The following SAMD14 variants were observed in gnomAD, a reference collection of about 807,000 sequenced individuals.
The protein encoded by SAMD14 is sterile alpha motif domain-containing protein 14.
A neutral mutation model predicts 46.2 loss-of-function variants in SAMD14; 27 were observed. The observed-to-expected ratio is 0.58, with a 90% confidence interval of 0.43 to 0.81. SAMD14 has a LOEUF of 0.81. Ranked by LOEUF, SAMD14 falls within the 30% of genes least tolerant of loss-of-function variation. SAMD14 has a pLI of 0.00. For missense variants in SAMD14, 559 were observed against 582.2 expected (o/e 0.96, Z 0.41); for synonymous variants, 241 against 254.3 (o/e 0.95, Z 0.50).
At chr17:50,114,109 A>G in intron 8 of SAMD14, 30 bp from the exon 9 acceptor site, 1 of 1,613,422 alleles carries the variant, frequency 6.2e-7, no homozygotes, top group Non-Finnish European at 8.5e-7. Context: ...AGTGAGGGGG[A>G]GGCTTGGCCT....
chr17:50,125,898 G>T (rs1911743974), intron 1 of SAMD14, among the ~76,000 whole-genome samples: 1 of 152,226 alleles, frequency 6.6e-6, no homozygotes, highest in South Asian at 2.1e-4. Flanking sequence ...AAGTGTGAAT[G>T]GGTAGGGTTT....
At position 50,117,901 on chromosome 17, in the gene SAMD14, C is replaced by T. The variant is rs1598227129; in HGVS notation, c.211-206G>A. The T allele has an allele frequency of 3.6e-5, 23 of 639,952 alleles. No homozygotes were observed. In the East Asian group the frequency reaches 7.3e-4, roughly 20 times the overall value. The allele number at this position is 639,952 out of a possible 1,614,324, so 39.6% of individuals were successfully genotyped here. ...GTCACACAGGCTGGGGCTGAATTCC[C>T]CCTCCTTCACTTACTGTGACTTTGC... On this transcript the variant is annotated intron_variant, in intron 3 of 9. Coordinates refer to ENST00000330175, the MANE Select transcript of SAMD14 (RefSeq NM_001257359.2).
intron 2 of SAMD14, among the ~76,000 whole-genome samples, chr17:50,118,763 A>G (rs531983958): frequency 6.6e-6 from 1 of 152,276 alleles, no homozygotes; most frequent in South Asian, 2.1e-4. Context: ...GGGTTGAGGG[A>G]TGAGGCTGGA....
At chr17:50,127,509 G>A (rs1911833192) in intron 1 of SAMD14, among the ~76,000 whole-genome samples, 1 of 152,016 alleles carries the variant, frequency 6.6e-6, no homozygotes. Context: ...ACAGAGGCAG[G>A]AGAATCGCTT....
intron 1 of SAMD14, chr17:50,125,392 A>G (rs1209018378): frequency 5.4e-6 from 1 of 183,832 alleles, no homozygotes; most frequent in Non-Finnish European, 1.2e-5. Context: ...ATTAAATCCA[A>G]TCCTCTCATG....
In SAMD14 at chr17:50,129,921, G is replaced by C. The variant is rs1035521136; in HGVS notation, c.-417C>G. Reference sequence around the variant, plus strand: ...CCCCTGCCGCCCGCCAGGCCTGGCCGGACGCGGGGCCCCCGCCTGGCAGGG... The same window carrying C: ...CCCCTGCCGCCCGCCAGGCCTGGCCCGACGCGGGGCCCCCGCCTGGCAGGG... On this transcript the variant is annotated 5_prime_UTR_variant, in exon 1 of 10. Transcript: ENST00000330175. This position sits in a 1 kb window ranked among gnomAD's most constrained non-coding sequence, Gnocchi z 5.6. The C allele has an allele frequency of 2.0e-5, 3 of 151,884 alleles. No individual in the cohort carries two copies. The highest frequency in any genetic ancestry group is 2.9e-5 in the Non-Finnish European group (2 of 67,930). 9.4% of individuals were successfully genotyped at this position (151,884 alleles called of 1,614,324 possible). A position where few individuals can be genotyped will look rare whatever the true frequency, so the allele number is the denominator to read the frequency against.
At chr17:50,117,994 G>C in intron 3 of SAMD14, 167 bp downstream of exon 3, 1 of 792,630 alleles carries the variant, frequency 1.3e-6, no homozygotes, top group Non-Finnish European at 1.9e-6. Context: ...TCTTTACACA[G>C]GATTAAATGA....
Position 50,113,068 on chromosome 17 carries a change from G to A in SAMD14, c.1099-20C>T. On this transcript the variant is annotated intron_variant, in intron 9 of 9. Coordinates refer to ENST00000330175, the MANE Select transcript of SAMD14 (RefSeq NM_001257359.2). ...CAGGCTCTGGGGAGGAGTCCGGGGT[G>A]AGGGAGAGAGTCCCAGAACCTTCCC... The A allele has an allele frequency of 6.2e-7, 1 of 1,608,882 alleles. No homozygotes were observed. The highest frequency in any genetic ancestry group is 8.5e-7 in the Non-Finnish European group (1 of 1,179,686).
Position 50,115,439 on chromosome 17 carries a change from T to A in SAMD14, c.822+125A>T. The A allele has an allele frequency of 9.9e-7, 1 of 1,006,802 alleles. No individual in the cohort carries two copies. The highest frequency in any genetic ancestry group is 2.5e-5 in the East Asian group (1 of 40,086). The allele number at this position is 1,006,802 out of a possible 1,614,324, so 62.4% of individuals were successfully genotyped here. ...ATGCATGAAGTAACGGATCACTGCATGGCTCCATGGATGGACAAATTGATT... is the reference window on the plus strand; with the variant it reads ...ATGCATGAAGTAACGGATCACTGCAAGGCTCCATGGATGGACAAATTGATT... On this transcript the variant is annotated intron_variant, in intron 7 of 9. Coordinates refer to ENST00000330175, the MANE Select transcript of SAMD14 (RefSeq NM_001257359.2). The surrounding 1 kb of genome is among the most constrained non-coding windows in gnomAD (Gnocchi z 5.3).
intron 2 of SAMD14, 146 bp downstream of exon 2, chr17:50,124,771 G>GCA (rs10522793): frequency 0.058 from 32,374 of 559,852 alleles, 192 homozygotes; most frequent in East Asian, 0.1. Context: ...ACGCGCGCGC[G>GCA]CACACACACA....
chr17:50,110,131 C>T lies in SAMD14; in HGVS notation c.*2762G>A. On this transcript the variant is annotated 3_prime_UTR_variant, in exon 10 of 10. Transcript: ENST00000330175. ...GTGCATCTGCACCTGAGAGGACGGA[C>T]TGCCGCCTCTGGGTCCCCCCACCGT... is the stretch of plus-strand genomic sequence containing the variant. 38 of 1,549,600 alleles carry T rather than the reference C, an allele frequency of 2.5e-5. No homozygotes were observed. Among genetic ancestry groups the T allele is most frequent in the Non-Finnish European group, 3.3e-5 (38 of 1,142,372 alleles).
Position 50,112,832 on chromosome 17 carries a change from G to T in SAMD14, c.*61C>A. 2 of 1,558,334 alleles carry T rather than the reference G, an allele frequency of 1.3e-6. No homozygotes were observed. Among genetic ancestry groups the T allele is most frequent in the Non-Finnish European group, 1.7e-6 (2 of 1,158,154 alleles). ...CGCCCAGGTCCAGCCTCCCTGGTGAGGCCTGTGCCCGCGGAGCCAGTGGCT... is the reference window on the plus strand; with the variant it reads ...CGCCCAGGTCCAGCCTCCCTGGTGATGCCTGTGCCCGCGGAGCCAGTGGCT... On this transcript the variant is annotated 3_prime_UTR_variant, in exon 10 of 10. Transcript: ENST00000330175.
intron 2 of SAMD14, among the ~76,000 whole-genome samples, chr17:50,119,240 C>T (rs1042453578): frequency 2.7e-4 from 41 of 152,188 alleles, no homozygotes; most frequent in African/African-American, 9.2e-4. Context: ...GTGGGTCCAG[C>T]GTTAAAGTCC....
At chr17:50,113,333 C>A in intron 9 of SAMD14, 1 of 404,980 alleles carries the variant, frequency 2.5e-6, no homozygotes. Context: ...CGGACCTGCC[C>A]AACCTCCTGA....
rs761923718 is a variant in SAMD14 at position 50,117,681 on chromosome 17, G to A, written c.225C>T (p.Cys75=). The change falls in exon 4 of 10, where the codon TGC becomes TGT. Residue 75 remains cysteine (C), a synonymous_variant. Coordinates refer to ENST00000330175, the MANE Select transcript of SAMD14 (RefSeq NM_001257359.2). ...AGCGCAGCCGGTGCAGGGGGCTCCC[G>A]CAGCCATCGGTCACCTGGACGAGGG... ...DGPGGKVTDG[C]GSPLHRLRSP... is the part of the protein sequence containing the mutation. 2 of 1,466,456 alleles carry A rather than the reference G, an allele frequency of 1.4e-6. No homozygotes were observed. The highest frequency in any genetic ancestry group is 1.8e-6 in the Non-Finnish European group (2 of 1,116,138). 90.8% of individuals were successfully genotyped at this position (1,466,456 alleles called of 1,614,324 possible).
chr17:50,125,537 A>C (rs1567723440), intron 1 of SAMD14, among the ~76,000 whole-genome samples: 1 of 151,822 alleles, frequency 6.6e-6, no homozygotes, highest in Non-Finnish European at 1.5e-5. Context: ...CTACTTGCCT[A>C]CTCATCATCC....
intron 9 of SAMD14, 198 bp downstream of exon 9, chr17:50,113,726 G>A (rs988786480): frequency 1.6e-6 from 1 of 610,260 alleles, no homozygotes. Context: ...GTCAAACTAG[G>A]GATTCATGCT....
At chr17:50,113,106 C>T (rs1182096645) in intron 9 of SAMD14, 58 bp from the exon 10 acceptor site, 2 of 1,585,278 alleles carry the variant, frequency 1.3e-6, no homozygotes, top group Non-Finnish European at 1.7e-6. Flanking sequence ...TCCTGGCCTC[C>T]CACGCCCAGG....
chr17:50,117,226 C>T (rs1197823965), intron 4 of SAMD14, among the ~76,000 whole-genome samples, 181 bp downstream of exon 4: 1 of 152,204 alleles, frequency 6.6e-6, no homozygotes. Flanking sequence ...TCCCAGAGCC[C>T]ACAGGATCTG....
Sources: gnomAD v4.1 joint callset for allele counts (sites outside exome capture counted in the v4.1 genomes callset) on GRCh38, gnomAD v4.1.1 for gene constraint, Gnocchi (gnomAD v3.1) non-coding constraint, MANE v1.5 for transcripts, NCBI Gene and HGNC (gene_info 2026-07-23, HGNC 2026-07-21) for gene names.